ZDHHC21: variants seen among roughly 807,000 people sequenced by gnomAD.
ZDHHC21 encodes zDHHC palmitoyltransferase 21, also known as palmitoyltransferase ZDHHC21.
ZDHHC21 carries 15 observed loss-of-function variants against 34.6 expected under a neutral mutation model. The ratio of observed to expected loss-of-function variants is 0.43; its 90% confidence interval spans 0.29 to 0.67. The LOEUF (loss-of-function observed/expected upper bound fraction) is 0.67, where lower values mean the gene tolerates loss of function less well. Ranked by LOEUF, ZDHHC21 falls within the 30% of genes least tolerant of loss-of-function variation. The pLI is 0.14. For missense variants in ZDHHC21, 344 were observed against 327.7 expected (o/e 1.05, Z -0.38); for synonymous variants, 142 against 101.8 (o/e 1.40, Z -2.38).
At chr9:14,608,092 TA>T (rs1365103223), downstream of ZDHHC21, among the ~76,000 whole-genome samples, 13 of 152,172 alleles carry the variant, frequency 8.5e-5, no homozygotes, top group Admixed American at 6.5e-4. Flanking sequence ...TCATACTGGT[TA>T]CTTCTAGACA....
At chr9:14,647,231 T>C (rs985590115) in intron 7 of ZDHHC21, among the ~76,000 whole-genome samples, 2 of 152,076 alleles carry the variant, frequency 1.3e-5, no homozygotes, top group Non-Finnish European at 2.9e-5. Context: ...TAGAACTGTA[T>C]CATTTAAAAA....
At position 14,643,515 on chromosome 9, in the gene ZDHHC21, T is replaced by C. The variant is rs1829765382; in HGVS notation, c.505-3503A>G. Among the ~76,000 whole-genome samples, 3 of 152,234 alleles carry C rather than the reference T, an allele frequency of 2.0e-5. No individual in the cohort carries two copies. In the South Asian group the frequency reaches 6.2e-4, roughly 32 times the overall value. On this transcript the variant is annotated intron_variant, in intron 7 of 9. Transcript: ENST00000380916. ...GGCACCTTTTTATAAACTAAAGTCT[T>C]AATTTTACGTAGTCCAATGTATCAA...
At chr9:14,603,764 CTTTA>C in the ZDHHC21 span, among the ~76,000 whole-genome samples, 30 of 152,116 alleles carry the variant, frequency 2.0e-4, no homozygotes, top group Admixed American at 1.4e-3. Context: ...AATCGCTGCT[CTTTA>C]TTAAGAAACA....
the ZDHHC21 span, among the ~76,000 whole-genome samples, chr9:14,594,870 T>C: frequency 3.7e-4 from 56 of 152,282 alleles, no homozygotes; most frequent in Admixed American, 3.0e-3. Flanking sequence ...AAATTTTGAA[T>C]AGACAGTTTA....
chr9:14,619,616 A>G, intron 9 of ZDHHC21, 23 bp downstream of exon 9: 2 of 1,391,706 alleles, frequency 1.4e-6, no homozygotes, highest in Non-Finnish European at 2.0e-6. Context: ...AAATAATACT[A>G]TACACTTCAG....
chr9:14,668,328 AC>A (rs1213592423), intron 5 of ZDHHC21, among the ~76,000 whole-genome samples: 12 of 110,544 alleles, frequency 1.1e-4, no homozygotes, highest in African/African-American at 3.6e-4. Context: ...AGAACTACAA[AC>A]CACTGCTCAA....
rs753649240 is a variant in ZDHHC21 at position 14,693,211 on chromosome 9, C to T, written c.-225+18G>A. The T allele has an allele frequency of 1.9e-5, 7 of 364,824 alleles. No homozygotes were observed. Among genetic ancestry groups the T allele is most frequent in the South Asian group, 1.3e-4 (7 of 52,000 alleles). 22.6% of individuals were successfully genotyped at this position (364,824 alleles called of 1,614,324 possible). Reference sequence around the variant, plus strand: ...GGGGGTGGGGGCGGCCGCTTCGCCCCCGCGCCTGCACACTCACCGTCGCCG... The same window carrying T: ...GGGGGTGGGGGCGGCCGCTTCGCCCTCGCGCCTGCACACTCACCGTCGCCG... On this transcript the variant is annotated intron_variant, in intron 1 of 9. Coordinates refer to ENST00000380916, the MANE Select transcript of ZDHHC21 (RefSeq NM_178566.6).
rs144344700 is a variant in ZDHHC21 at position 14,692,397 on chromosome 9, G to A, written c.-225+832C>T. Among the ~76,000 whole-genome samples, 3 of 152,130 alleles carry A rather than the reference G, an allele frequency of 2.0e-5. No individual in the cohort carries two copies. In the East Asian group the frequency reaches 5.8e-4, roughly 29 times the overall value. ...CACTTAATTATCCTTAGTCGCCTTT[G>A]GACTGTAACTTTACAATATAATTTA... On this transcript the variant is annotated intron_variant, in intron 1 of 9. Coordinates refer to ENST00000380916, the MANE Select transcript of ZDHHC21 (RefSeq NM_178566.6).
chr9:14,602,005 G>C, the ZDHHC21 span, among the ~76,000 whole-genome samples: 9 of 152,010 alleles, frequency 5.9e-5, no homozygotes, highest in Admixed American at 5.9e-4. Context: ...AGGAGGTGGG[G>C]GAGCTAGGGG....
At chr9:14,644,672 G>A (rs1339837717) in intron 7 of ZDHHC21, among the ~76,000 whole-genome samples, 1 of 151,774 alleles carries the variant, frequency 6.6e-6, no homozygotes, top group Non-Finnish European at 1.5e-5. Flanking sequence ...CTGTTAATGT[G>A]ATAAAATATA....
chr9:14,667,334 G>A (rs973261730), intron 5 of ZDHHC21, among the ~76,000 whole-genome samples: 71 of 150,564 alleles, frequency 4.7e-4, no homozygotes, highest in African/African-American at 1.6e-3. Flanking sequence ...CGAATAACAG[G>A]AGCTGAAATT....
chr9:14,613,432 T>C lies in ZDHHC21; in HGVS notation c.*5534A>G, dbSNP rs1347937926. ...GGTTAAAATATCATCCAATGTATAC[T>C]GGCAAGAATATATAGCTTGCAATAC... is the stretch of plus-strand genomic sequence containing the variant. On this transcript the variant is annotated 3_prime_UTR_variant, in exon 10 of 10. Coordinates refer to ENST00000380916, the MANE Select transcript of ZDHHC21 (RefSeq NM_178566.6). 6.6e-6 allele frequency: 1 copy of C among 151,828 alleles called. No homozygotes were observed. The highest frequency in any genetic ancestry group is 1.5e-5 in the Non-Finnish European group (1 of 67,808). The allele number at this position is 151,828 out of a possible 1,614,324, so 9.4% of individuals were successfully genotyped here. A position where few individuals can be genotyped will look rare whatever the true frequency, so the allele number is the denominator to read the frequency against.
intron 8 of ZDHHC21, among the ~76,000 whole-genome samples, chr9:14,639,315 C>T (rs1409493415): frequency 6.6e-6 from 1 of 151,970 alleles, no homozygotes; most frequent in South Asian, 2.1e-4. Flanking sequence ...AAGCTGATCT[C>T]ATGGAGGTCA....
chr9:14,644,056 A>T (rs1391696162), intron 7 of ZDHHC21, among the ~76,000 whole-genome samples: 2 of 152,232 alleles, frequency 1.3e-5, no homozygotes. Context: ...ATTCACGTAT[A>T]ATATATTCTC....
Position 14,618,341 on chromosome 9 carries a change from G to C in ZDHHC21, c.*625C>G, listed in dbSNP as rs1447896116. On this transcript the variant is annotated 3_prime_UTR_variant, in exon 10 of 10. Coordinates refer to ENST00000380916, the MANE Select transcript of ZDHHC21 (RefSeq NM_178566.6). ...TAGGTAGTTGGTGTTTTACTTCAGT[G>C]GTACTTTCATGTTGGTTTTGGTGAA... 1 of 152,426 alleles carries C rather than the reference G, an allele frequency of 6.6e-6. No individual in the cohort carries two copies. Among genetic ancestry groups the C allele is most frequent in the Non-Finnish European group, 1.5e-5 (1 of 67,974 alleles). The allele number at this position is 152,426 out of a possible 1,614,324, so 9.4% of individuals were successfully genotyped here. A position where few individuals can be genotyped will look rare whatever the true frequency, so the allele number is the denominator to read the frequency against.
At chr9:14,691,714 T>G (rs538828678) in intron 1 of ZDHHC21, among the ~76,000 whole-genome samples, 9 of 152,336 alleles carry the variant, frequency 5.9e-5, no homozygotes, top group East Asian at 3.9e-4. Context: ...ATCTCAGTAG[T>G]GTCAAAGGAT....
chr9:14,608,653 T>A (rs1204902326), downstream of ZDHHC21, among the ~76,000 whole-genome samples: 1 of 152,012 alleles, frequency 6.6e-6, no homozygotes, highest in East Asian at 1.9e-4. Flanking sequence ...TAAGTTAGCT[T>A]AGATGTATTT....
the ZDHHC21 span, among the ~76,000 whole-genome samples, chr9:14,602,449 G>T: frequency 1.3e-5 from 2 of 151,870 alleles, no homozygotes; most frequent in African/African-American, 4.8e-5. Flanking sequence ...CCCAAGTCTT[G>T]CCAGAGATAC....
chr9:14,642,182 A>G (rs1167522673), intron 7 of ZDHHC21, among the ~76,000 whole-genome samples: 1 of 152,350 alleles, frequency 6.6e-6, no homozygotes, highest in Non-Finnish European at 1.5e-5. Context: ...TAGTAAAAAA[A>G]CTTTAATCTA....
Sources: gnomAD v4.1 joint callset for allele counts (sites outside exome capture counted in the v4.1 genomes callset) on GRCh38, gnomAD v4.1.1 for gene constraint, MANE v1.5 for transcripts, NCBI Gene and HGNC (gene_info 2026-07-23, HGNC 2026-07-21) for gene names.